The following FN1 variants were observed in gnomAD, a reference collection of about 807,000 sequenced individuals.
FN1 encodes the protein fibronectin 1.
Under a neutral mutation model 297.3 loss-of-function variants are expected in FN1, and 106 were observed. That is an observed-to-expected ratio of 0.36 (90% CI 0.30 to 0.42). FN1 has a LOEUF of 0.42. Ranked by LOEUF, FN1 falls within the 10% of genes least tolerant of loss-of-function variation. FN1 has a pLI of 1.00. For missense variants in FN1, 2,690 were observed against 3,124.9 expected, an observed-to-expected ratio of 0.86 and a Z score of 3.32; for synonymous variants, 1,149 against 1,152.6, an observed-to-expected ratio of 1.00 and a Z score of 0.06.
chr2:215,378,162 T>A lies in FN1; in HGVS notation c.5710+13A>T. On this transcript the variant is annotated intron_variant, in intron 35 of 45. Coordinates refer to ENST00000354785, the MANE Select transcript of FN1 (RefSeq NM_212482.4). Reference sequence around the variant, plus strand: ...CAGAAGGTTTGTCCATATGAAGACATTTTGTTACTTACTCTCCAGAGTGGT... The same window carrying A: ...CAGAAGGTTTGTCCATATGAAGACAATTTGTTACTTACTCTCCAGAGTGGT... The A allele has an allele frequency of 6.7e-7, 1 of 1,502,054 alleles. No individual in the cohort carries two copies. Among genetic ancestry groups the A allele is most frequent in the Non-Finnish European group, 9.3e-7 (1 of 1,078,598 alleles). The allele number at this position is 1,502,054 out of a possible 1,614,324, so 93.0% of individuals were successfully genotyped here. A position where few individuals can be genotyped will look rare whatever the true frequency, so the allele number is the denominator to read the frequency against.
intron 27 of FN1, among the ~76,000 whole-genome samples, chr2:215,387,767 A>T (rs2059208652): frequency 1.3e-5 from 2 of 152,366 alleles, no homozygotes; most frequent in East Asian, 1.9e-4. Context: ...AAGCATTCAT[A>T]TTTAAGTATG....
rs1204493588 is a variant in FN1, at chr2:215,410,508, T to A, written c.1942-394A>T. Among the ~76,000 whole-genome samples the A allele has an allele frequency of 1.8e-4, 3 of 16,318 alleles. No homozygotes were observed. The East Asian group carries it at 0.3, about 1,632-fold the overall frequency. 10.7% of individuals were successfully genotyped at this position (16,318 alleles called of 152,430 possible). On this transcript the variant is annotated intron_variant, in intron 13 of 45. Transcript: ENST00000354785. The stretch of plus-strand genomic sequence containing the variant: ...AGTTGCAGACACTGGGCACCTTCAC[T>A]TTTTTTTTTTTTTTTTGAGACAGAG...
intron 3 of FN1, 131 bp from the exon 4 acceptor site, chr2:215,432,095 CAG>C (rs754558435): frequency 6.8e-6 from 7 of 1,036,952 alleles, no homozygotes; most frequent in South Asian, 5.4e-5. Flanking sequence ...CCATCAGAGA[CAG>C]GGGAAACGTT....
Position 215,381,049 on chromosome 2 carries a change from A to C in FN1, c.5196T>G (p.Thr1732=), listed in dbSNP as rs201217338. Residue 1732 remains threonine, a synonymous_variant, in exon 33 of 46, where the codon ACT becomes ACG. Coordinates refer to ENST00000354785, the MANE Select transcript of FN1 (RefSeq NM_212482.4). ...NIDRPKGLAF[T]DVDVDSIKIA... The stretch of plus-strand genomic sequence containing the variant: ...TTTTGATGGAATCGACATCCACATC[A>C]GTGAATGCCAGTCCTTTAGGGCGAT... The C allele has an allele frequency of 1.2e-6, 2 of 1,614,124 alleles. No individual in the cohort carries two copies. The highest frequency in any genetic ancestry group is 2.2e-5 in the East Asian group (1 of 44,890).
chr2:215,407,949 CCCCG>C (rs2061996722), intron 17 of FN1, among the ~76,000 whole-genome samples, 155 bp downstream of exon 17: 1 of 21,100 alleles, frequency 4.7e-5, no homozygotes, highest in Non-Finnish European at 1.1e-4. Flanking sequence ...ACTCCCCCAC[CCCCG>C]CCACACACAC....
chr2:215,426,557 C>G (rs1034343067), intron 6 of FN1, among the ~76,000 whole-genome samples: 3 of 152,072 alleles, frequency 2.0e-5, no homozygotes, highest in African/African-American at 7.2e-5. Context: ...CAGTGCCTCC[C>G]TAAGTGCTGC....
chr2:215,423,263 G>C (rs1203058548), intron 9 of FN1, 87 bp downstream of exon 9: 2 of 1,381,018 alleles, frequency 1.4e-6, no homozygotes, highest in African/African-American at 2.9e-5. Context: ...GTTAATGAAT[G>C]AAATGGGAGT....
intron 20 of FN1, among the ~76,000 whole-genome samples, chr2:215,402,329 T>C (rs1325388132): frequency 1.3e-5 from 2 of 152,168 alleles, no homozygotes; most frequent in East Asian, 3.8e-4. Flanking sequence ...GTGTGAGCTA[T>C]GGGTTCTGGC....
chr2:215,426,239 C>G (rs1033833925), intron 6 of FN1, among the ~76,000 whole-genome samples: 4 of 150,402 alleles, frequency 2.7e-5, no homozygotes, highest in African/African-American at 9.8e-5. Flanking sequence ...AGCTCTGCCT[C>G]CCGGGTTCAC....
In FN1 at chr2:215,375,301, A is replaced by G; in HGVS notation, c.6070T>C (p.Tyr2024His). 6.8e-6 allele frequency: 11 copies of G among 1,614,176 alleles called. No homozygotes were observed. Among genetic ancestry groups the G allele is most frequent in the Non-Finnish European group, 9.3e-6 (11 of 1,180,012 alleles). ...CCAGGCTTCTCATACTTGATGATGTAGCCGGTAATCCTGGCACGTGGCGGC... is the reference window on the plus strand; with the variant it reads ...CCAGGCTTCTCATACTTGATGATGTGGCCGGTAATCCTGGCACGTGGCGGC... ...WQPPRARITG[Y>H]IIKYEKPGSP... The change falls in exon 38 of 46, where the codon TAC becomes CAC. Residue 2024 changes from tyrosine to histidine, a missense_variant. By Grantham distance (83) the Tyr-to-His change is moderately conservative. Around this residue, in one of 3 missense-constraint regions of FN1, gnomAD observed 1,743 missense variants for 1,945.2 expected, o/e 0.90. Coordinates refer to ENST00000354785, the MANE Select transcript of FN1 (RefSeq NM_212482.4).
At position 215,399,298 on chromosome 2, in the gene FN1, T is replaced by G. The variant is rs13306364; in HGVS notation, c.3307A>C (p.Ile1103Leu). 2,651 of 1,614,058 alleles carry G rather than the reference T, an allele frequency of 1.6e-3. 66 individuals carry two copies. In the East Asian group the frequency reaches 0.05, roughly 30 times the overall value. Residue 1103 changes from isoleucine (I) to leucine (L), a missense_variant, in exon 21 of 46, where the codon ATT becomes CTT. Coordinates refer to ENST00000354785, the MANE Select transcript of FN1 (RefSeq NM_212482.4). ...GGAGCAGGCGTCCATGTGATCACAA[T>G]GGTGGTCTCAGTCACCTCGGTGTTG... ...PYNTEVTETT[I>L]VITWTPAPRI...
In FN1 at chr2:215,382,268, A is replaced by C; in HGVS notation, c.5108T>G (p.Val1703Gly). 6.2e-7 allele frequency: 1 copy of C among 1,614,046 alleles called. No individual in the cohort carries two copies. Among genetic ancestry groups the C allele is most frequent in the Non-Finnish European group, 8.5e-7 (1 of 1,179,908 alleles). The stretch of plus-strand genomic sequence containing the variant: ...CTCTCCGCTTGGATTCTGAGCATAG[A>C]CACTAACCACATACTCCACTGTGGG... Reference protein sequence around the residue: ...LQPTVEYVVSVYAQNPSGESQ... With the variant: ...LQPTVEYVVSGYAQNPSGESQ... The change falls in exon 32 of 46, where the codon GTC (valine) becomes GGC (glycine). Residue 1703 changes from valine (V) to glycine (G), a missense_variant. Physicochemically the swap from Val to Gly is moderately radical, Grantham distance 109. Coordinates refer to ENST00000354785, the MANE Select transcript of FN1 (RefSeq NM_212482.4).
intron 20 of FN1, among the ~76,000 whole-genome samples, chr2:215,401,287 A>C (rs1293777514): frequency 1.1e-5 from 1 of 94,566 alleles, no homozygotes; most frequent in Non-Finnish European, 2.4e-5. Flanking sequence ...GAAAGGAAGA[A>C]AAGAGAGAGA....
chr2:215,394,984 A>G (rs1006524362), intron 23 of FN1, among the ~76,000 whole-genome samples: 1 of 151,918 alleles, frequency 6.6e-6, no homozygotes, highest in Non-Finnish European at 1.5e-5. Context: ...GCTCACTTCA[A>G]CCTCCGCCAA....
At chr2:215,368,769 G>T (rs1250212) in intron 41 of FN1, among the ~76,000 whole-genome samples, 46,002 of 152,034 alleles carry the variant, frequency 0.3, 7,870 homozygotes, top group Non-Finnish European at 0.39. Context: ...GAATATAGAT[G>T]ATTTAGGAAT....
intron 16 of FN1, 36 bp from the exon 17 acceptor site, chr2:215,408,233 A>C (rs550818129): frequency 2.5e-6 from 4 of 1,613,408 alleles, no homozygotes; most frequent in Non-Finnish European, 3.4e-6. Flanking sequence ...ACAGTCAGGA[A>C]GTGCTACTAC....
rs912900639 is a variant in FN1 at position 215,431,744 on chromosome 2, G to T, written c.547+89C>A. On this transcript the variant is annotated intron_variant, in intron 4 of 45. Coordinates refer to ENST00000354785, the MANE Select transcript of FN1 (RefSeq NM_212482.4). Reference sequence around the variant, plus strand: ...CTTTATTGGTTTTCACTGGAATTCAGGTCTATGACCTATGTAGATGTGATT... The same window carrying T: ...CTTTATTGGTTTTCACTGGAATTCATGTCTATGACCTATGTAGATGTGATT... The T allele has an allele frequency of 3.8e-6, 5 of 1,319,860 alleles. No homozygotes were observed. The African/African-American group carries it at 4.3e-5, about 11-fold the overall frequency. 81.8% of individuals were successfully genotyped at this position (1,319,860 alleles called of 1,614,324 possible). A position where few individuals can be genotyped will look rare whatever the true frequency, so the allele number is the denominator to read the frequency against.
At chr2:215,382,013 T>G in intron 32 of FN1, 199 bp downstream of exon 32, 1 of 559,716 alleles carries the variant, frequency 1.8e-6, no homozygotes, top group South Asian at 2.0e-5. Flanking sequence ...TATGGTGGTT[T>G]CACAACTTCT....
At chr2:215,425,311 C>G (rs758084338) in intron 6 of FN1, 26 bp from the exon 7 acceptor site, 1 of 1,609,946 alleles carries the variant, frequency 6.2e-7, no homozygotes, top group Non-Finnish European at 8.5e-7. Context: ...GGGAATGTCA[C>G]AAAACTGGGT....
Sources: gnomAD v4.1 joint callset for allele counts (sites outside exome capture counted in the v4.1 genomes callset) on GRCh38, gnomAD v4.1.1 for gene constraint, gnomAD v4.1.1 regional missense constraint, MANE v1.5 for transcripts, NCBI Gene and HGNC (gene_info 2026-07-23, HGNC 2026-07-21) for gene names.